Variants in SEMA5A observed in about 807,000 individuals in gnomAD.
The protein encoded by SEMA5A is semaphorin-5A.
In SEMA5A, 55 loss-of-function variants were observed where a neutral mutation model predicts 135.5. The observed-to-expected ratio is 0.41, with a 90% CI of 0.33 to 0.51. The LOEUF (loss-of-function observed/expected upper bound fraction) is 0.51, where lower values mean the gene tolerates loss of function less well. Among genes scored for constraint, SEMA5A ranks in the 20% least tolerant of loss-of-function variants. The pLI is 0.37. For synonymous variants in SEMA5A, 580 were observed against 546.5 expected (o/e 1.06, Z -0.85); for missense variants, 1,290 against 1,419.9 (o/e 0.91, Z 1.47).
chr5:9,065,936 T>G (rs1318327439), intron 17 of SEMA5A, among the ~76,000 whole-genome samples: 2 of 152,258 alleles, frequency 1.3e-5, no homozygotes, highest in African/African-American at 4.8e-5. Flanking sequence ...AGGAGCAAAG[T>G]TATTTCAAAG....
intron 15 of SEMA5A, among the ~76,000 whole-genome samples, chr5:9,108,933 G>T (rs1380225863): frequency 2.0e-5 from 3 of 149,438 alleles, no homozygotes; most frequent in African/African-American, 7.4e-5. Context: ...TTCAGTGTTT[G>T]AATATACTTC....
chr5:9,172,000 A>G (rs973921545), intron 11 of SEMA5A, among the ~76,000 whole-genome samples: 1 of 152,186 alleles, frequency 6.6e-6, no homozygotes, highest in African/African-American at 2.4e-5. Context: ...GAAAGGTCAG[A>G]GCTGAGCCAG....
chr5:9,411,409 T>C (rs1459286865), intron 2 of SEMA5A, among the ~76,000 whole-genome samples: 1 of 152,216 alleles, frequency 6.6e-6, no homozygotes, highest in Admixed American at 6.5e-5. Context: ...ACGTGCATGC[T>C]GCCTGAAGTG....
intron 1 of SEMA5A, among the ~76,000 whole-genome samples, chr5:9,442,464 G>T (rs1758271422): frequency 6.6e-6 from 1 of 152,150 alleles, no homozygotes; most frequent in South Asian, 2.1e-4. Context: ...CACAGCTGGA[G>T]TGTAAAGGGT....
intron 5 of SEMA5A, among the ~76,000 whole-genome samples, chr5:9,286,219 A>G (rs1224243926): frequency 6.6e-6 from 1 of 152,080 alleles, no homozygotes; most frequent in Admixed American, 6.6e-5. Flanking sequence ...AAAAAGAAAC[A>G]CCCGGGAGAC....
At chr5:9,306,998 G>A (rs966681966) in intron 5 of SEMA5A, among the ~76,000 whole-genome samples, 1 of 152,174 alleles carries the variant, frequency 6.6e-6, no homozygotes, top group African/African-American at 2.4e-5. Flanking sequence ...GTATAGTCAT[G>A]CCTAATTTCG....
chr5:9,162,478 G>GTGTGTGTATATA (rs1743323992), intron 11 of SEMA5A, among the ~76,000 whole-genome samples: 1 of 79,496 alleles, frequency 1.3e-5, no homozygotes, highest in Non-Finnish European at 3.7e-5. Context: ...ATATATGTGT[G>GTGTGTGTATATA]TGTGTATATA....
chr5:9,471,201 C>T (rs2126754381), intron 1 of SEMA5A, among the ~76,000 whole-genome samples: 1 of 152,208 alleles, frequency 6.6e-6, no homozygotes, highest in African/African-American at 2.4e-5. Flanking sequence ...CCTAAGTCTA[C>T]AAGAACGGTA....
intron 20 of SEMA5A, among the ~76,000 whole-genome samples, chr5:9,051,404 T>C (rs1157078481): frequency 6.6e-6 from 1 of 152,204 alleles, no homozygotes. Flanking sequence ...GAGAAGCTGG[T>C]TGAATGAGGG....
chr5:9,200,459 C>T (rs1395949300), intron 9 of SEMA5A, among the ~76,000 whole-genome samples: 1 of 152,166 alleles, frequency 6.6e-6, no homozygotes, highest in Non-Finnish European at 1.5e-5. Context: ...AGCAAATGCA[C>T]ATTTATCTTG....
intron 1 of SEMA5A, among the ~76,000 whole-genome samples, chr5:9,465,694 T>C (rs2126739960): frequency 6.6e-6 from 1 of 152,354 alleles, no homozygotes; most frequent in South Asian, 2.1e-4. Context: ...TGTCAGAGAC[T>C]TGAGCATCCA....
At chr5:9,430,829 C>A (rs957068424) in intron 2 of SEMA5A, among the ~76,000 whole-genome samples, 9 of 151,308 alleles carry the variant, frequency 5.9e-5, no homozygotes, top group African/African-American at 2.2e-4. Context: ...TACTTTAAAC[C>A]AAGTTTTTTT....
rs1364302797 is a variant in SEMA5A at position 9,131,559 on chromosome 5, G to A, written c.1599+4945C>T. 2.8e-5 allele frequency among the ~76,000 whole-genome samples: 4 copies of A among 141,022 alleles called. No homozygotes were observed. In the South Asian group the frequency reaches 9.1e-4, roughly 32 times the overall value. The allele number at this position is 141,022 out of a possible 152,430, so 92.5% of individuals were successfully genotyped here. A position where few individuals can be genotyped will look rare whatever the true frequency, so the allele number is the denominator to read the frequency against. On this transcript the variant is annotated intron_variant, in intron 13 of 22. Transcript: ENST00000382496. ...GGAGGTGGAAGCTGCAATGAGCTGA[G>A]ATCTCGCAACTGCACTCCAGCCTGG...
intron 18 of SEMA5A, among the ~76,000 whole-genome samples, chr5:9,061,603 A>C (rs1314652447): frequency 6.6e-6 from 1 of 152,172 alleles, no homozygotes; most frequent in Non-Finnish European, 1.5e-5. Flanking sequence ...GAGCTGCGGC[A>C]GGAGAAAGGC....
chr5:9,154,456 A>C (rs777727177), intron 12 of SEMA5A, 32 bp downstream of exon 12: 9 of 1,606,716 alleles, frequency 5.6e-6, no homozygotes, highest in Non-Finnish European at 7.7e-6. Flanking sequence ...TCACACACAC[A>C]CCAGTGCATC....
chr5:9,244,167 T>C (rs1748360646), intron 5 of SEMA5A, among the ~76,000 whole-genome samples: 3 of 152,202 alleles, frequency 2.0e-5, no homozygotes, highest in Non-Finnish European at 4.4e-5. Context: ...ACATCTTCTG[T>C]ATAAGAACAC....
At chr5:9,147,003 G>C (rs562022253) in intron 12 of SEMA5A, among the ~76,000 whole-genome samples, 1 of 152,274 alleles carries the variant, frequency 6.6e-6, no homozygotes, top group African/African-American at 2.4e-5. Context: ...CTGGCTGGGA[G>C]ACCACGTGGA....
chr5:9,508,309 C>A (rs1736017470), intron 1 of SEMA5A, among the ~76,000 whole-genome samples: 1 of 152,178 alleles, frequency 6.6e-6, no homozygotes, highest in South Asian at 2.1e-4. Context: ...ATCCAGTAGT[C>A]ACCGAATCGT....
chr5:9,507,879 C>T (rs1157826093), intron 1 of SEMA5A, among the ~76,000 whole-genome samples: 1 of 152,034 alleles, frequency 6.6e-6, no homozygotes, highest in Non-Finnish European at 1.5e-5. Context: ...TGGCGGGCGC[C>T]TGTAGTCCCA....
Sources: gnomAD v4.1 joint callset for allele counts (sites outside exome capture counted in the v4.1 genomes callset) on GRCh38, gnomAD v4.1.1 for gene constraint, MANE v1.5 for transcripts, NCBI Gene and HGNC (gene_info 2026-07-23, HGNC 2026-07-21) for gene names.